CNGA4: variants seen among roughly 807,000 people sequenced by gnomAD.
CNGA4 encodes cyclic nucleotide gated channel subunit alpha 4, also known as cyclic nucleotide-gated channel alpha-4.
Under a neutral mutation model 45.6 loss-of-function variants are expected in CNGA4, and 32 were observed. That is an observed-to-expected ratio of 0.70 (90% CI 0.53 to 0.94). The LOEUF is 0.94. CNGA4 is among the 40% of genes least tolerant of loss of function. The pLI is 0.00. For synonymous variants in CNGA4, 293 were observed against 304.6 expected (o/e 0.96, Z 0.40); for missense variants, 726 against 755.1 (o/e 0.96, Z 0.45).
upstream of CNGA4, among the ~76,000 whole-genome samples, chr11:6,235,086 T>C (rs1407888861): frequency 1.3e-5 from 2 of 151,922 alleles, no homozygotes; most frequent in African/African-American, 2.4e-5. Flanking sequence ...GGTGGGGCCA[T>C]GGATTCCAGG....
At chr11:6,243,593 A>G (rs1847947434) in intron 5 of CNGA4, among the ~76,000 whole-genome samples, 1 of 152,342 alleles carries the variant, frequency 6.6e-6, no homozygotes, top group Middle Eastern at 3.4e-3. Flanking sequence ...ATTATATCTT[A>G]GGACATCCCT....
chr11:6,244,324 C>G lies in CNGA4; in HGVS notation c.1643C>G (p.Ala548Gly), dbSNP rs752306802. Residue 548 changes from alanine (A) to glycine (G), a missense_variant, in exon 6 of 6, where the codon GCT (alanine) becomes GGT (glycine). Coordinates refer to ENST00000379936, the MANE Select transcript of CNGA4 (RefSeq NM_001037329.4). The surrounding 1 kb of genome is among the most constrained non-coding windows in gnomAD (Gnocchi z 4.5). ...CCAATGCCCGAGGACCTGGCTGAGGCTGATGACGAGGGTGAGCCTGAGGAG... is the reference window on the plus strand; with the variant it reads ...CCAATGCCCGAGGACCTGGCTGAGGGTGATGACGAGGGTGAGCCTGAGGAG... ...EWPMPEDLAE[A>G]DDEGEPEEGT... 1.9e-5 allele frequency: 31 copies of G among 1,613,994 alleles called. No homozygotes were observed. Among genetic ancestry groups the G allele is most frequent in the Non-Finnish European group, 2.3e-5 (27 of 1,180,028 alleles).
chr11:6,235,903 C>G (rs1590646749), upstream of CNGA4, among the ~76,000 whole-genome samples: 1 of 149,748 alleles, frequency 6.7e-6, no homozygotes, highest in African/African-American at 2.5e-5. Flanking sequence ...CGCACCACTG[C>G]ATTCCAGCCT....
intron 2 of CNGA4, 23 bp downstream of exon 2, chr11:6,239,508 G>A: frequency 1.9e-6 from 3 of 1,611,794 alleles, no homozygotes; most frequent in Non-Finnish European, 2.5e-6. Flanking sequence ...TGCTAAGGGA[G>A]GGGCTGGAAG....
chr11:6,240,305 A>G lies in CNGA4; in HGVS notation c.511A>G (p.Lys171Glu). Residue 171 changes from lysine to glutamate, a missense_variant, in exon 4 of 6, where the codon AAG (lysine) becomes GAG (glutamate). Coordinates refer to ENST00000379936, the MANE Select transcript of CNGA4 (RefSeq NM_001037329.4). The surrounding 1 kb of genome is among the most constrained non-coding windows in gnomAD (Gnocchi z 4.9). ...TAYPNAFRIA[K>E]LMLYIFVVIH... ...TTACCCAAATGCCTTTCGCATTGCC[A>G]AGCTGATGCTTTACATTTTTGTCGT... The G allele has an allele frequency of 1.2e-6, 2 of 1,614,128 alleles. No individual in the cohort carries two copies. Among genetic ancestry groups the G allele is most frequent in the South Asian group, 2.2e-5 (2 of 91,090 alleles).
At chr11:6,236,314 A>C (rs2133870065), upstream of CNGA4, among the ~76,000 whole-genome samples, 1 of 152,306 alleles carries the variant, frequency 6.6e-6, no homozygotes, top group Admixed American at 6.5e-5. Context: ...CATGTTAAGG[A>C]ATTTAGATTT....
Position 6,241,572 on chromosome 11 carries a change from G to A in CNGA4, c.1059G>A (p.Glu353=). The A allele has an allele frequency of 3.1e-6, 5 of 1,614,238 alleles. No individual in the cohort carries two copies. The highest frequency in any genetic ancestry group is 3.4e-6 in the Non-Finnish European group (4 of 1,180,048). Residue 353 remains glutamate, a synonymous_variant, in exon 5 of 6, where the codon GAG becomes GAA. Transcript: ENST00000379936. ...GGGTGCAGATCTTTCAGAACTGTGA[G>A]GCCAGCCTGCTGGAGGAGCTGGTGC... ...LSRVQIFQNC[E]ASLLEELVLK...
In CNGA4 at chr11:6,239,791, G is replaced by C. The variant is rs1362598022; in HGVS notation, c.271+1G>C. On this transcript the variant is annotated splice_donor_variant, in intron 3 of 5. Transcript: ENST00000379936. LOFTEE classifies it high-confidence loss of function. ...GACATGGTGGTGCGCTTCCACACAG[G>C]TCAGTGGGCTTCTAGGAATGACCCT... 6.2e-7 allele frequency: 1 copy of C among 1,612,140 alleles called. No homozygotes were observed. Among genetic ancestry groups the C allele is most frequent in the Non-Finnish European group, 8.5e-7 (1 of 1,178,770 alleles).
upstream of CNGA4, among the ~76,000 whole-genome samples, chr11:6,236,653 G>A (rs1037836657): frequency 2.0e-5 from 3 of 152,178 alleles, no homozygotes; most frequent in Non-Finnish European, 4.4e-5. Flanking sequence ...CTGAGGCACT[G>A]GTGATGTTCT....
intron 5 of CNGA4, 94 bp downstream of exon 5, chr11:6,241,874 T>C: frequency 8.7e-7 from 1 of 1,154,644 alleles, no homozygotes; most frequent in Admixed American, 2.0e-5. Context: ...ACTTCAGGCC[T>C]AAACTTCTGA....
chr11:6,240,769 G>T lies in CNGA4; in HGVS notation c.917+58G>T. On this transcript the variant is annotated intron_variant, in intron 4 of 5. Coordinates refer to ENST00000379936, the MANE Select transcript of CNGA4 (RefSeq NM_001037329.4). The surrounding 1 kb of genome is among the most constrained non-coding windows in gnomAD (Gnocchi z 4.9). ...ACCAGTGTAGGTGATGGAACCTGAG[G>T]GAGGTAACTGGGTCCTTAGTGCCTG... 1 of 1,560,610 alleles carries T rather than the reference G, an allele frequency of 6.4e-7. No homozygotes were observed.
At position 6,241,729 on chromosome 11, in the gene CNGA4, G is replaced by A. The variant is rs773941338; in HGVS notation, c.1216G>A (p.Val406Met). 5.0e-6 allele frequency: 8 copies of A among 1,614,086 alleles called. No homozygotes were observed. In the African/African-American group the frequency reaches 8.0e-5, roughly 16 times the overall value. Reference sequence around the variant, plus strand: ...AGATGATGGTATCACACAGTATGCTGTGCTCGGTGCAGGGCTCTACTTTGG... The same window carrying A: ...AGATGATGGTATCACACAGTATGCTATGCTCGGTGCAGGGCTCTACTTTGG... ...VADDGITQYAVLGAGLYFGEI... is the reference protein window; with the variant it reads ...VADDGITQYAMLGAGLYFGEI... Residue 406 changes from valine to methionine, a missense_variant, in exon 5 of 6, where the codon GTG (valine) becomes ATG (methionine). Transcript: ENST00000379936.
At chr11:6,237,554 G>GA (rs11312881), upstream of CNGA4, among the ~76,000 whole-genome samples, 4,468 of 142,980 alleles carry the variant, frequency 0.031, 78 homozygotes, top group African/African-American at 0.051. Flanking sequence ...CAGAATCCAA[G>GA]AAAAAAAAAA....
At chr11:6,238,923 A>G, upstream of CNGA4, 1 of 425,804 alleles carries the variant, frequency 2.3e-6, no homozygotes, top group Non-Finnish European at 3.1e-6. Context: ...CCTCTGAGGC[A>G]TGCACCCCCA....
In CNGA4 at chr11:6,240,607, C is replaced by T. The variant is rs757534251; in HGVS notation, c.813C>T (p.Asn271=). 1.9e-6 allele frequency: 3 copies of T among 1,614,194 alleles called. No individual in the cohort carries two copies. The highest frequency in any genetic ancestry group is 2.5e-6 in the Non-Finnish European group (3 of 1,180,040). ...GTAGCATGAGCTCTGTCATCTACAA[C>T]ATGAACACTGCAGATGCGGCTTTCT... ...IMGSMSSVIY[N]MNTADAAFYP... The change falls in exon 4 of 6, where the codon AAC becomes AAT. Residue 271 remains asparagine, a synonymous_variant. Coordinates refer to ENST00000379936, the MANE Select transcript of CNGA4 (RefSeq NM_001037329.4). This position sits in a 1 kb window ranked among gnomAD's most constrained non-coding sequence, Gnocchi z 4.9.
At chr11:6,238,487 A>T (rs1345861922), upstream of CNGA4, among the ~76,000 whole-genome samples, 1 of 152,222 alleles carries the variant, frequency 6.6e-6, no homozygotes, top group Admixed American at 6.5e-5. Flanking sequence ...AGAAAAGTTG[A>T]AAGATTGGGG....
upstream of CNGA4, chr11:6,235,484 AGCATGATTT>A: frequency 2.1e-5 from 21 of 985,426 alleles, no homozygotes; most frequent in Non-Finnish European, 2.5e-5. Context: ...AGCAGCACTT[AGCATGATTT>A]GCATGTATAG....
intron 5 of CNGA4, among the ~76,000 whole-genome samples, chr11:6,243,235 T>C (rs1847942940): frequency 6.6e-6 from 1 of 152,346 alleles, no homozygotes; most frequent in South Asian, 2.1e-4. Flanking sequence ...TATGTGAGAC[T>C]GGATAATTTA....
chr11:6,235,160 C>T (rs1332202850), upstream of CNGA4, among the ~76,000 whole-genome samples: 1 of 152,062 alleles, frequency 6.6e-6, no homozygotes, highest in Non-Finnish European at 1.5e-5. Flanking sequence ...GAGGAGGAAT[C>T]AGTAGGTGGG....
Sources: gnomAD v4.1 joint callset for allele counts (sites outside exome capture counted in the v4.1 genomes callset) on GRCh38, gnomAD v4.1.1 for gene constraint, Gnocchi (gnomAD v3.1) non-coding constraint, MANE v1.5 for transcripts, NCBI Gene and HGNC (gene_info 2026-07-23, HGNC 2026-07-21) for gene names.